BTN2A2: variants seen among roughly 807,000 people sequenced by gnomAD.
BTN2A2 encodes butyrophilin subfamily 2 member A2.
In BTN2A2, 29 loss-of-function variants were observed where a neutral mutation model predicts 34.7. The ratio of observed to expected loss-of-function variants is 0.84; its 90% CI spans 0.62 to 1.14. The LOEUF (loss-of-function observed/expected upper bound fraction) is 1.14, where lower values mean the gene tolerates loss of function less well. Ranked by LOEUF, BTN2A2 falls within the 50% of genes most tolerant of loss-of-function variation. The probability of loss-of-function intolerance (pLI) is 0.00; values close to 1 mark genes in which losing one functional copy is unlikely to be tolerated. For synonymous variants in BTN2A2, 240 were observed against 253.1 expected, an observed-to-expected ratio of 0.95 and a Z score of 0.49; for missense variants, 612 against 651.5, an observed-to-expected ratio of 0.94 and a Z score of 0.66.
In BTN2A2 at chr6:26,393,072, G is replaced by GT; in HGVS notation, c.*106dup. ...ACACGCCCTCCTCCCCTCTGGTCAC[G>GT]TAAGAGAACATCTTCCAGCTGCCTT... On this transcript the variant is annotated 3_prime_UTR_variant, in exon 8 of 8. Transcript: ENST00000356709. The GT allele has an allele frequency of 6.2e-7, 1 of 1,611,194 alleles. No individual in the cohort carries two copies. The highest frequency in any genetic ancestry group is 1.1e-5 in the South Asian group (1 of 90,410).
chr6:26,388,060 A>G lies in BTN2A2; in HGVS notation c.490A>G (p.Ser164Gly). 1.9e-6 allele frequency: 3 copies of G among 1,614,024 alleles called. No homozygotes were observed. Among genetic ancestry groups the G allele is most frequent in the African/African-American group, 2.7e-5 (2 of 74,982 alleles). The stretch of plus-strand genomic sequence containing the variant: ...TGAAATCAAGGCCCAAGAGGATGGG[A>G]GCATCTGGCTGGAGTGCATATCTGG... ...LIEIKAQEDGSIWLECISGGW... is the reference protein window; with the variant it reads ...LIEIKAQEDGGIWLECISGGW... The change falls in exon 4 of 8, where the codon AGC becomes GGC. Residue 164 changes from serine to glycine, a missense_variant. Ser to Gly is a moderately conservative substitution (Grantham distance 56, BLOSUM62 0). Transcript: ENST00000356709.
In BTN2A2 at chr6:26,385,033, G is replaced by C. The variant is rs1335683346; in HGVS notation, c.113G>C (p.Gly38Ala). 18 of 1,613,630 alleles carry C rather than the reference G, an allele frequency of 1.1e-5. No homozygotes were observed. In the Admixed American group the frequency reaches 3.0e-4, roughly 27 times the overall value. The change falls in exon 3 of 8, where the codon GGG becomes GCG. Residue 38 changes from glycine to alanine, a missense_variant. Coordinates refer to ENST00000356709, the MANE Select transcript of BTN2A2 (RefSeq NM_006995.5). The part of the protein sequence containing the change: ...ALVSAQFTVV[G>A]PANPILAMVG... ...TGAACAGCCCAGTTTACTGTCGTGG[G>C]GCCAGCTAATCCCATCCTGGCCATG...
chr6:26,389,659 T>C (rs1761442785), intron 4 of BTN2A2, among the ~76,000 whole-genome samples: 1 of 152,184 alleles, frequency 6.6e-6, no homozygotes, highest in Admixed American at 6.5e-5. Flanking sequence ...GATTACAGAA[T>C]AGAGCAGAAC....
chr6:26,386,225 G>C (rs1761193775), intron 3 of BTN2A2, among the ~76,000 whole-genome samples: 1 of 152,034 alleles, frequency 6.6e-6, no homozygotes, highest in Admixed American at 6.6e-5. Flanking sequence ...ATTTAGCTGG[G>C]AAGAAATTGG....
intron 4 of BTN2A2, among the ~76,000 whole-genome samples, chr6:26,389,400 T>C (rs1761425883): frequency 6.6e-6 from 1 of 152,094 alleles, no homozygotes; most frequent in African/African-American, 2.4e-5. Flanking sequence ...GAAGAGCATA[T>C]GCAAAAGGCC....
rs184920379 is a variant in BTN2A2 at position 26,394,278 on chromosome 6, C to T, written c.*1311C>T. On this transcript the variant is annotated 3_prime_UTR_variant, in exon 8 of 8. Transcript: ENST00000356709. ...GAATAGTGGATCCTGGAAGTTAATC[C>T]ATGTGCTGGTTAATTTTAGATGTCA... 1.4e-6 allele frequency: 1 copy of T among 700,398 alleles called. No individual in the cohort carries two copies. 43.4% of individuals were successfully genotyped at this position (700,398 alleles called of 1,614,324 possible).
At chr6:26,392,114 G>T in intron 7 of BTN2A2, 1 of 1,021,868 alleles carries the variant, frequency 9.8e-7, no homozygotes, top group Non-Finnish European at 1.4e-6. Context: ...CATTAATTTT[G>T]GCTCATTTCC....
At chr6:26,388,948 C>T (rs1761393847) in intron 4 of BTN2A2, among the ~76,000 whole-genome samples, 1 of 152,016 alleles carries the variant, frequency 6.6e-6, no homozygotes, top group Non-Finnish European at 1.5e-5. Flanking sequence ...GGTGAAACAC[C>T]ATCTCTACCA....
At position 26,383,169 on chromosome 6, in the gene BTN2A2, C is replaced by G. The variant is rs1216119651; in HGVS notation, c.-43C>G. 1 of 152,398 alleles carries G rather than the reference C, an allele frequency of 6.6e-6. No individual in the cohort carries two copies. The highest frequency in any genetic ancestry group is 1.5e-5 in the Non-Finnish European group (1 of 68,218). The allele number at this position is 152,398 out of a possible 1,614,324, so 9.4% of individuals were successfully genotyped here. ...ACCGAGTCCGCAACTCCAAACATCG[C>G]GATTAATAGGAGGTGAACACAGCTT... is the stretch of plus-strand genomic sequence containing the variant. On this transcript the variant is annotated 5_prime_UTR_variant, in exon 1 of 8. Transcript: ENST00000356709. The surrounding 1 kb of genome is among the most constrained non-coding windows in gnomAD (Gnocchi z 4.4).
intron 3 of BTN2A2, 81 bp from the exon 4 acceptor site, chr6:26,387,932 C>CT: frequency 2.8e-6 from 4 of 1,447,230 alleles, no homozygotes; most frequent in Non-Finnish European, 3.7e-6. Flanking sequence ...AACCAAGGGT[C>CT]TTTCTAGCAA....
chr6:26,393,740 A>G lies in BTN2A2; in HGVS notation c.*773A>G, dbSNP rs1459217352. 1.3e-5 allele frequency: 13 copies of G among 986,942 alleles called. No individual in the cohort carries two copies. The highest frequency in any genetic ancestry group is 4.7e-5 in the South Asian group (1 of 21,348). 61.1% of individuals were successfully genotyped at this position (986,942 alleles called of 1,614,324 possible). ...AGGTCTACGTCAGCATTCAGGTTCA[A>G]TGGGGACACCAGTGGCTTCAAACTT... On this transcript the variant is annotated 3_prime_UTR_variant, in exon 8 of 8. Coordinates refer to ENST00000356709, the MANE Select transcript of BTN2A2 (RefSeq NM_006995.5).
At chr6:26,386,483 T>C (rs9467744) in intron 3 of BTN2A2, among the ~76,000 whole-genome samples, 45,275 of 151,552 alleles carry the variant, frequency 0.3, 9,451 homozygotes, top group African/African-American at 0.6. Flanking sequence ...TAGGAGACCC[T>C]ATCTTTGCTA....
rs866150577 is a variant in BTN2A2 at position 26,387,903 on chromosome 6, G to T, written c.443-110G>T. ...ATCTCACAATTTATTTTGCATATTG[G>T]TTTCCTGATGTTCTCCAAAACCAAG... On this transcript the variant is annotated intron_variant, in intron 3 of 7. Transcript: ENST00000356709. 3 of 1,142,122 alleles carry T rather than the reference G, an allele frequency of 2.6e-6. No individual in the cohort carries two copies. The African/African-American group carries it at 4.7e-5, about 18-fold the overall frequency. 70.7% of individuals were successfully genotyped at this position (1,142,122 alleles called of 1,614,324 possible). A position where few individuals can be genotyped will look rare whatever the true frequency, so the allele number is the denominator to read the frequency against.
Position 26,390,837 on chromosome 6 carries a change from C to T in BTN2A2, c.979+8C>T, listed in dbSNP as rs1761533575. ...GAACATTCTTACATGCTGGTGAGTG[C>T]CTCTGATGTTCTCTCAGATCTCAGC... On this transcript the variant is annotated splice_region_variant and intron_variant, in intron 7 of 7. Transcript: ENST00000356709. The T allele has an allele frequency of 6.2e-7, 1 of 1,614,046 alleles. No individual in the cohort carries two copies. The highest frequency in any genetic ancestry group is 8.5e-7 in the Non-Finnish European group (1 of 1,180,026).
rs1195978083 is a variant in BTN2A2 at position 26,394,874 on chromosome 6, A to T, written c.*1907A>T. 1 of 152,290 alleles carries T rather than the reference A, an allele frequency of 6.6e-6. No homozygotes were observed. Among genetic ancestry groups the T allele is most frequent in the African/African-American group, 2.4e-5 (1 of 41,456 alleles). 9.4% of individuals were successfully genotyped at this position (152,290 alleles called of 1,614,324 possible). A position where few individuals can be genotyped will look rare whatever the true frequency, so the allele number is the denominator to read the frequency against. On this transcript the variant is annotated 3_prime_UTR_variant, in exon 8 of 8. Transcript: ENST00000356709. ...TGACTAATAAAATGAGGCATCTAAA[A>T]TTCTAGCTTGAATGGTAGTATTTTA...
intron 3 of BTN2A2, among the ~76,000 whole-genome samples, chr6:26,387,030 G>A (rs1001116931): frequency 2.0e-5 from 3 of 152,226 alleles, no homozygotes; most frequent in African/African-American, 7.2e-5. Flanking sequence ...GATCACGCAT[G>A]GCTGAAGGGT....
At position 26,383,590 on chromosome 6, in the gene BTN2A2, G is replaced by A. The variant is rs774334209; in HGVS notation, c.-30-202G>A. The A allele has an allele frequency of 1.8e-5, 9 of 512,004 alleles. 1 individual carries two copies. The highest frequency in any genetic ancestry group is 7.8e-4 in the Middle Eastern group (2 of 2,574). 31.7% of individuals were successfully genotyped at this position (512,004 alleles called of 1,614,324 possible). Reference sequence around the variant, plus strand: ...AGTGGGAAGAGGAAGGAGGAAAACGGCCCCCTTGATCTCTGCATTGATGGC... The same window carrying A: ...AGTGGGAAGAGGAAGGAGGAAAACGACCCCCTTGATCTCTGCATTGATGGC... On this transcript the variant is annotated intron_variant, in intron 1 of 7. Transcript: ENST00000356709. The surrounding 1 kb of genome is among the most constrained non-coding windows in gnomAD (Gnocchi z 4.4).
In BTN2A2 at chr6:26,388,294, G is replaced by A; in HGVS notation, c.724G>A (p.Glu242Lys). The stretch of plus-strand genomic sequence containing the variant: ...GAAGGAAACTGTCATTTTTATTCCA[G>A]GTTAGTTCTCTGCCCTCTGAGACCT... Reference protein sequence around the residue: ...QEKETVIFIPESFMPSASPWM... With the variant: ...QEKETVIFIPKSFMPSASPWM... The change falls in exon 4 of 8, where the codon GAA (glutamate) becomes AAA (lysine). Residue 242 changes from glutamate to lysine, a missense_variant and splice_region_variant. Physicochemically the swap from Glu to Lys is moderately conservative, Grantham distance 56 (BLOSUM62 1). Coordinates refer to ENST00000356709, the MANE Select transcript of BTN2A2 (RefSeq NM_006995.5). 2 of 1,613,970 alleles carry A rather than the reference G, an allele frequency of 1.2e-6. No homozygotes were observed. The highest frequency in any genetic ancestry group is 8.5e-7 in the Non-Finnish European group (1 of 1,179,872).
chr6:26,386,944 G>A (rs1047232585), intron 3 of BTN2A2, among the ~76,000 whole-genome samples: 8 of 152,182 alleles, frequency 5.3e-5, no homozygotes, highest in Admixed American at 1.3e-4. Context: ...AGGCTTAAGT[G>A]ATTGCTTTAA....
Sources: gnomAD v4.1 joint callset for allele counts (sites outside exome capture counted in the v4.1 genomes callset) on GRCh38, gnomAD v4.1.1 for gene constraint, Gnocchi (gnomAD v3.1) non-coding constraint, MANE v1.5 for transcripts, NCBI Gene and HGNC (gene_info 2026-07-23, HGNC 2026-07-21) for gene names.